The following DNAJA3 variants were observed in gnomAD, a reference collection of about 807,000 sequenced individuals.
DNAJA3 encodes the protein dnaJ homolog subfamily A member 3, mitochondrial.
Under a neutral mutation model 54.9 loss-of-function variants are expected in DNAJA3, and 29 were observed. That is an observed-to-expected ratio of 0.53 (90% CI 0.39 to 0.72). The LOEUF is 0.72. Among genes scored for constraint, DNAJA3 ranks in the 30% least tolerant of loss-of-function variants. The pLI, the probability that DNAJA3 is intolerant of heterozygous loss-of-function variation, is 0.00. For missense variants in DNAJA3, 708 were observed against 639.4 expected (o/e 1.11, Z -1.16); for synonymous variants, 302 against 251.4 (o/e 1.20, Z -1.90).
At chr16:4,450,873 G>A (rs1280770384) in intron 10 of DNAJA3, among the ~76,000 whole-genome samples, 1 of 152,204 alleles carries the variant, frequency 6.6e-6, no homozygotes, top group Non-Finnish European at 1.5e-5. Context: ...GCATGGATTG[G>A]AAGGATTTGT....
Position 4,448,750 on chromosome 16 carries a change from G to C in DNAJA3, c.1143G>C (p.Gln381His), listed in dbSNP as rs368706161. The change falls in exon 9 of 12, where the codon CAG becomes CAC. Residue 381 changes from glutamine to histidine, a missense_variant. Physicochemically the swap from Gln to His is conservative, Grantham distance 24. Coordinates refer to ENST00000262375, the MANE Select transcript of DNAJA3 (RefSeq NM_005147.6). ...TINVTIPPGT[Q>H]TDQKIRMGGK... ...CTTTATAGATCCCCCCTGGGACTCA[G>C]ACAGACCAGAAGATTCGGATGGGTG... 36 of 1,613,920 alleles carry C rather than the reference G, an allele frequency of 2.2e-5. No homozygotes were observed. The highest frequency in any genetic ancestry group is 2.3e-5 in the Non-Finnish European group (27 of 1,179,938).
chr16:4,439,363 A>G (rs1304927629), intron 3 of DNAJA3, among the ~76,000 whole-genome samples: 2 of 151,978 alleles, frequency 1.3e-5, no homozygotes, highest in African/African-American at 4.8e-5. Context: ...ATCAAAAAAA[A>G]AAAAAAAAGA....
chr16:4,444,344 TC>T, intron 6 of DNAJA3, among the ~76,000 whole-genome samples: 1 of 149,990 alleles, frequency 6.7e-6, no homozygotes. Flanking sequence ...CTTTTTCTTT[TC>T]TTTTTTTTTT....
intron 10 of DNAJA3, among the ~76,000 whole-genome samples, chr16:4,450,918 A>G (rs1182683984): frequency 1.3e-5 from 2 of 152,216 alleles, no homozygotes; most frequent in Non-Finnish European, 2.9e-5. Flanking sequence ...CCAGGATTTC[A>G]GAGTGTCTTA....
intron 5 of DNAJA3, chr16:4,442,794 G>T (rs1421293828): frequency 8.5e-6 from 5 of 588,232 alleles, no homozygotes; most frequent in African/African-American, 7.5e-5. Context: ...TTTCAGTGTC[G>T]TGTGGTCAAG....
chr16:4,432,062 T>C (rs1333638758), intron 1 of DNAJA3, among the ~76,000 whole-genome samples: 2 of 151,780 alleles, frequency 1.3e-5, no homozygotes, highest in East Asian at 1.9e-4. Context: ...AGTTTAGTTA[T>C]AGGTATAAAT....
At chr16:4,451,829 G>A (rs1244528967) in intron 10 of DNAJA3, among the ~76,000 whole-genome samples, 1 of 150,234 alleles carries the variant, frequency 6.7e-6, no homozygotes, top group African/African-American at 2.5e-5. Flanking sequence ...GGGACGCCGA[G>A]GAGGGTGGAT....
Position 4,436,078 on chromosome 16 carries a change from T to A in DNAJA3, c.346-1324T>A, listed in dbSNP as rs189348652. Among the ~76,000 whole-genome samples the A allele has an allele frequency of 5.5e-4, 84 of 152,352 alleles. No individual in the cohort carries two copies. The East Asian group carries it at 0.011, about 20-fold the overall frequency. On this transcript the variant is annotated intron_variant, in intron 2 of 11. Coordinates refer to ENST00000262375, the MANE Select transcript of DNAJA3 (RefSeq NM_005147.6). Reference sequence around the variant, plus strand: ...TTGCTTTTTCCCTGATGACTAATGATGGTGAGCATCTTTCTTGTGCATGTT... The same window carrying A: ...TTGCTTTTTCCCTGATGACTAATGAAGGTGAGCATCTTTCTTGTGCATGTT...
intron 1 of DNAJA3, among the ~76,000 whole-genome samples, chr16:4,429,056 T>G (rs556219881): frequency 6.6e-6 from 1 of 151,030 alleles, no homozygotes; most frequent in South Asian, 2.1e-4. Context: ...GCCCAGCTAA[T>G]TTTTTGTATT....
chr16:4,428,868 A>T (rs2056656202), intron 1 of DNAJA3, among the ~76,000 whole-genome samples: 1 of 150,280 alleles, frequency 6.7e-6, no homozygotes, highest in African/African-American at 2.5e-5. Flanking sequence ...GGCAGATCCC[A>T]TCTCTACAAA....
rs545335062 is a variant in DNAJA3, at chr16:4,448,271, T to A, written c.1126-462T>A. 2.7e-5 allele frequency among the ~76,000 whole-genome samples: 4 copies of A among 150,632 alleles called. No homozygotes were observed. The South Asian group carries it at 8.4e-4, about 32-fold the overall frequency. On this transcript the variant is annotated intron_variant, in intron 8 of 11. Transcript: ENST00000262375. ...CAATCACCTGACCTCGTGATCTGCCTGCCTCAGCCCCCCAAAGTGCTGGGA... is the reference window on the plus strand; with the variant it reads ...CAATCACCTGACCTCGTGATCTGCCAGCCTCAGCCCCCCAAAGTGCTGGGA...
intron 9 of DNAJA3, among the ~76,000 whole-genome samples, chr16:4,449,159 G>A (rs1300399672): frequency 6.6e-6 from 1 of 151,766 alleles, no homozygotes; most frequent in African/African-American, 2.4e-5. Context: ...ACCATGCCCG[G>A]CTAATTTTTT....
chr16:4,437,122 C>T (rs928134748), intron 2 of DNAJA3, among the ~76,000 whole-genome samples: 9 of 152,100 alleles, frequency 5.9e-5, no homozygotes, highest in African/African-American at 2.2e-4. Context: ...AGGCATGTGC[C>T]ACCACGCCTG....
rs2056675441 is a variant in DNAJA3, at chr16:4,429,955, C to G, written c.211+3863C>G. 3.3e-5 allele frequency among the ~76,000 whole-genome samples: 5 copies of G among 151,982 alleles called. No homozygotes were observed. In the South Asian group the frequency reaches 1.0e-3, roughly 32 times the overall value. On this transcript the variant is annotated intron_variant, in intron 1 of 11. Transcript: ENST00000262375. The stretch of plus-strand genomic sequence containing the variant: ...GAGGCTGCAGTGAGCCATGATGATG[C>G]CACTGCACTCCAGCCTGGGCAACAG...
At chr16:4,450,533 G>A in intron 10 of DNAJA3, 36 bp downstream of exon 10, 6 of 1,527,942 alleles carry the variant, frequency 3.9e-6, no homozygotes, top group Non-Finnish European at 5.4e-6. Flanking sequence ...GACACGTGGG[G>A]GCCTCAGAGC....
At chr16:4,443,320 G>C (rs919080511) in intron 6 of DNAJA3, among the ~76,000 whole-genome samples, 156 bp downstream of exon 6, 1 of 152,162 alleles carries the variant, frequency 6.6e-6, no homozygotes, top group Non-Finnish European at 1.5e-5. Context: ...GGAGCCCCAG[G>C]CTGGAGGAGG....
chr16:4,442,067 A>C (rs773069087), intron 4 of DNAJA3, among the ~76,000 whole-genome samples: 2 of 152,180 alleles, frequency 1.3e-5, no homozygotes, highest in African/African-American at 4.8e-5. Context: ...TAAGTCATAC[A>C]TTATCTCTTA....
chr16:4,439,319 G>A (rs1436255797), intron 3 of DNAJA3, among the ~76,000 whole-genome samples: 3 of 149,058 alleles, frequency 2.0e-5, no homozygotes, highest in African/African-American at 7.5e-5. Flanking sequence ...TTGCGCCATT[G>A]TACTCCAGCC....
chr16:4,427,887 C>G (rs888954278), intron 1 of DNAJA3, among the ~76,000 whole-genome samples: 1 of 152,066 alleles, frequency 6.6e-6, no homozygotes, highest in Non-Finnish European at 1.5e-5. Flanking sequence ...TAAAGTGATT[C>G]CCTTGCTTCA....
Sources: allele counts gnomAD v4.1 joint callset (sites outside exome capture counted in the v4.1 genomes callset), GRCh38; gene constraint gnomAD v4.1.1; transcripts MANE v1.5; gene names NCBI Gene and HGNC (gene_info 2026-07-23, HGNC 2026-07-21).